ZFHX3: variants seen among roughly 807,000 people sequenced by gnomAD.
ZFHX3 encodes zinc finger homeobox 3.
Under a neutral mutation model 279.1 loss-of-function variants are expected in ZFHX3, and 42 were observed. The ratio of observed to expected loss-of-function variants is 0.15; its 90% confidence interval spans 0.12 to 0.19. The LOEUF (loss-of-function observed/expected upper bound fraction) is 0.19, where lower values mean the gene tolerates loss of function less well. Ranked by LOEUF, ZFHX3 falls within the 10% of genes least tolerant of loss-of-function variation. ZFHX3 has a pLI of 1.00. For missense variants in ZFHX3, 4,981 were observed against 4,754.0 expected (o/e 1.05, Z -1.40); for synonymous variants, 2,293 against 1,957.8 (o/e 1.17, Z -4.52).
chr16:73,715,920 T>C (rs1020996411), intron 1 of ZFHX3, among the ~76,000 whole-genome samples: 2 of 152,104 alleles, frequency 1.3e-5, no homozygotes, highest in Non-Finnish European at 2.9e-5. Flanking sequence ...AATCCAGTGG[T>C]CTTTCTAACA....
intron 5 of ZFHX3, among the ~76,000 whole-genome samples, chr16:73,154,860 T>A (rs1229493170): frequency 6.6e-6 from 1 of 152,092 alleles, no homozygotes. Flanking sequence ...TAAATTGGAT[T>A]CCAGCATAAA....
At chr16:73,307,271 G>T (rs1363988325) in intron 4 of ZFHX3, among the ~76,000 whole-genome samples, 1 of 152,162 alleles carries the variant, frequency 6.6e-6, no homozygotes, top group Non-Finnish European at 1.5e-5. Flanking sequence ...TTGAAAAACA[G>T]AAGTTCTCTC....
At chr16:73,169,720 A>C (rs1000327438) in intron 5 of ZFHX3, among the ~76,000 whole-genome samples, 1 of 152,150 alleles carries the variant, frequency 6.6e-6, no homozygotes, top group Non-Finnish European at 1.5e-5. Flanking sequence ...ATAGAAGTGA[A>C]ATATTTCAGT....
At chr16:73,475,324 A>AATGTG (rs2018746899) in intron 2 of ZFHX3, among the ~76,000 whole-genome samples, 1 of 152,242 alleles carries the variant, frequency 6.6e-6, no homozygotes, top group Middle Eastern at 3.2e-3. Flanking sequence ...AAATAAATGT[A>AATGTG]ACATATATCT....
intron 4 of ZFHX3, among the ~76,000 whole-genome samples, chr16:72,881,364 T>C (rs1355851716): frequency 6.6e-6 from 1 of 151,040 alleles, no homozygotes; most frequent in Non-Finnish European, 1.5e-5. Context: ...CCACAAAACT[T>C]TCCACTGCTC....
chr16:73,805,490 T>C (rs1344853646), intron 1 of ZFHX3, among the ~76,000 whole-genome samples: 1 of 152,170 alleles, frequency 6.6e-6, no homozygotes, highest in Non-Finnish European at 1.5e-5. Flanking sequence ...TTTTCACACA[T>C]CTATCTTTCC....
intron 2 of ZFHX3, among the ~76,000 whole-genome samples, chr16:73,561,338 A>T (rs536506275): frequency 6.6e-6 from 1 of 152,334 alleles, no homozygotes; most frequent in Admixed American, 6.5e-5. Flanking sequence ...TTTTTAAAAA[A>T]ATATTGTTTT....
chr16:73,702,645 C>T (rs181388620), intron 1 of ZFHX3, among the ~76,000 whole-genome samples: 1 of 152,190 alleles, frequency 6.6e-6, no homozygotes, highest in African/African-American at 2.4e-5. Context: ...GTGGAGGATT[C>T]CTCGTTATAT....
At chr16:73,522,024 A>G (rs2019616448) in intron 2 of ZFHX3, among the ~76,000 whole-genome samples, 1 of 152,220 alleles carries the variant, frequency 6.6e-6, no homozygotes, top group Non-Finnish European at 1.5e-5. Flanking sequence ...TTGGTTATCT[A>G]ATGATGCACA....
chr16:72,895,649 C>T (rs187827665), intron 3 of ZFHX3, among the ~76,000 whole-genome samples: 1 of 152,152 alleles, frequency 6.6e-6, no homozygotes, highest in African/African-American at 2.4e-5. Context: ...TGGTGAGACC[C>T]CGTCTCTATA....
chr16:73,645,204 T>G (rs2052607231), intron 2 of ZFHX3, among the ~76,000 whole-genome samples: 1 of 152,234 alleles, frequency 6.6e-6, no homozygotes, highest in Admixed American at 6.5e-5. Flanking sequence ...TTTAAAATTT[T>G]TCTTGGGGAT....
intron 4 of ZFHX3, among the ~76,000 whole-genome samples, chr16:72,844,874 CT>C (rs2037438777): frequency 6.6e-6 from 1 of 152,130 alleles, no homozygotes; most frequent in African/African-American, 2.4e-5. Flanking sequence ...GCCCCCTCCC[CT>C]TCCTCATTTC....
At chr16:73,200,548 T>C (rs1442439939) in intron 5 of ZFHX3, among the ~76,000 whole-genome samples, 1 of 152,230 alleles carries the variant, frequency 6.6e-6, no homozygotes, top group Non-Finnish European at 1.5e-5. Context: ...GTATTTTAGA[T>C]TGGCCCTGTG....
At chr16:73,707,970 AAAC>A (rs2053321213) in intron 1 of ZFHX3, among the ~76,000 whole-genome samples, 1 of 152,088 alleles carries the variant, frequency 6.6e-6, no homozygotes, top group Non-Finnish European at 1.5e-5. Context: ...AAATGGTCTG[AAAC>A]AACTGTGGCA....
chr16:73,129,486 G>C lies in ZFHX3; in HGVS notation c.-897+1482C>G, dbSNP rs184482737. ...TGAGACCATTTCACAATTTTGAGGT[G>C]TAACAGCCTTCTATGTACCTTAATT... On this transcript the variant is annotated intron_variant, in intron 7 of 17. Transcript: ENST00000641206. Among the ~76,000 whole-genome samples the C allele has an allele frequency of 5.9e-5, 9 of 151,822 alleles. No individual in the cohort carries two copies. In the East Asian group the frequency reaches 1.6e-3, roughly 26 times the overall value.
At chr16:73,831,827 A>C (rs1460328028) in intron 1 of ZFHX3, among the ~76,000 whole-genome samples, 3 of 152,228 alleles carry the variant, frequency 2.0e-5, no homozygotes, top group Non-Finnish European at 4.4e-5. Flanking sequence ...AGGGACAGGG[A>C]CAGGCAACTG....
chr16:73,682,170 G>T (rs1260295647), intron 1 of ZFHX3, among the ~76,000 whole-genome samples: 1 of 152,128 alleles, frequency 6.6e-6, no homozygotes, highest in Non-Finnish European at 1.5e-5. Flanking sequence ...CTCTTATGAG[G>T]ATAAAATAAG....
In ZFHX3 at chr16:72,983,997, T is replaced by G. The variant is rs74358770; in HGVS notation, c.-49-23803A>C. ...CTATGGCCTGGCTTCCTGACCCTGTTTTGCATGAACCCTTGACCAGCTGGG... is the reference window on the plus strand; with the variant it reads ...CTATGGCCTGGCTTCCTGACCCTGTGTTGCATGAACCCTTGACCAGCTGGG... On this transcript the variant is annotated intron_variant, in intron 1 of 9. Transcript: ENST00000268489. Among the ~76,000 whole-genome samples the G allele has an allele frequency of 3.9e-3, 601 of 152,284 alleles. 5 individuals carry two copies. Among genetic ancestry groups the G allele is most frequent in the African/African-American group, 0.014 (580 of 41,540 alleles).
chr16:73,037,150 C>T (rs1409160111), intron 1 of ZFHX3, among the ~76,000 whole-genome samples: 1 of 152,204 alleles, frequency 6.6e-6, no homozygotes, highest in African/African-American at 2.4e-5. Flanking sequence ...GGAGTCCAAA[C>T]TAGCTCAAGA....
Sources: allele counts gnomAD v4.1 joint callset (sites outside exome capture counted in the v4.1 genomes callset), GRCh38; gene constraint gnomAD v4.1.1; transcripts MANE v1.5; gene names NCBI Gene and HGNC (gene_info 2026-07-23, HGNC 2026-07-21).